PPARGC1A: variants seen among roughly 807,000 people sequenced by gnomAD.
PPARGC1A encodes peroxisome proliferator-activated receptor gamma coactivator 1-alpha.
PPARGC1A carries 25 observed loss-of-function variants against 88.7 expected under a neutral mutation model. The ratio of observed to expected loss-of-function variants is 0.28; its 90% CI spans 0.21 to 0.39. PPARGC1A has a LOEUF of 0.39. Among genes scored for constraint, PPARGC1A ranks in the 10% least tolerant of loss-of-function variants. PPARGC1A has a pLI of 1.00. For synonymous variants in PPARGC1A, 363 were observed against 355.6 expected (o/e 1.02, Z -0.24); for missense variants, 880 against 968.7 (o/e 0.91, Z 1.22).
the PPARGC1A span, among the ~76,000 whole-genome samples, chr4:24,284,758 G>T: frequency 6.6e-6 from 1 of 152,238 alleles, no homozygotes; most frequent in African/African-American, 2.4e-5. Context: ...CCCGGGCACG[G>T]TGGCTCACGC....
the PPARGC1A span, among the ~76,000 whole-genome samples, chr4:24,166,270 G>T: frequency 3.3e-5 from 5 of 152,176 alleles, no homozygotes; most frequent in Non-Finnish European, 7.3e-5. Context: ...GCTGGCAGGG[G>T]TTAGTTCATG....
chr4:24,252,602 C>G, the PPARGC1A span, among the ~76,000 whole-genome samples: 1 of 152,178 alleles, frequency 6.6e-6, no homozygotes, highest in African/African-American at 2.4e-5. Context: ...CAATATAAAG[C>G]ACATCATTTC....
the PPARGC1A span, among the ~76,000 whole-genome samples, chr4:24,267,520 A>G: frequency 6.6e-6 from 1 of 152,274 alleles, no homozygotes; most frequent in South Asian, 2.1e-4. Flanking sequence ...TTTTGTGACT[A>G]TCAATCCGGT....
the PPARGC1A span, among the ~76,000 whole-genome samples, chr4:23,942,927 T>G: frequency 7.7e-4 from 118 of 152,314 alleles, 1 homozygote; most frequent in African/African-American, 2.8e-3. Flanking sequence ...CAAAAAGTCA[T>G]GTAGACACAG....
the PPARGC1A span, among the ~76,000 whole-genome samples, chr4:24,268,189 T>C: frequency 6.6e-6 from 1 of 152,240 alleles, no homozygotes; most frequent in Non-Finnish European, 1.5e-5. Flanking sequence ...TAAAGTCCAG[T>C]AAAACAATAA....
the PPARGC1A span, among the ~76,000 whole-genome samples, chr4:24,073,681 T>C: frequency 6.6e-6 from 1 of 152,188 alleles, no homozygotes; most frequent in South Asian, 2.1e-4. Context: ...CAGCTACTAC[T>C]ACTATCACCA....
At chr4:24,396,698 C>T in the PPARGC1A span, among the ~76,000 whole-genome samples, 2 of 152,206 alleles carry the variant, frequency 1.3e-5, no homozygotes, top group Non-Finnish European at 2.9e-5. Context: ...GGGCAAAGAG[C>T]ACCGCATTGC....
the PPARGC1A span, among the ~76,000 whole-genome samples, chr4:24,013,465 C>T: frequency 3.3e-5 from 5 of 152,064 alleles, no homozygotes; most frequent in Admixed American, 6.6e-5. Flanking sequence ...CATCGTTAAA[C>T]AGTCTATCAA....
chr4:24,318,310 GA>G, the PPARGC1A span, among the ~76,000 whole-genome samples: 27 of 152,172 alleles, frequency 1.8e-4, no homozygotes, highest in African/African-American at 6.0e-4. Context: ...GATGGAATGT[GA>G]AATGACACAA....
the PPARGC1A span, among the ~76,000 whole-genome samples, chr4:24,244,026 A>G: frequency 2.0e-5 from 3 of 152,216 alleles, no homozygotes; most frequent in East Asian, 5.8e-4. Flanking sequence ...ATCTTTCTAT[A>G]TTTTCACATT....
the PPARGC1A span, among the ~76,000 whole-genome samples, chr4:24,022,344 C>T: frequency 4.6e-5 from 7 of 152,100 alleles, no homozygotes; most frequent in African/African-American, 9.7e-5. Context: ...TTTCCCTCCC[C>T]GAGTGCCTCC....
intron 3 of PPARGC1A, among the ~76,000 whole-genome samples, chr4:23,830,732 G>A (rs1724850687): frequency 6.6e-6 from 1 of 152,164 alleles, no homozygotes; most frequent in Non-Finnish European, 1.5e-5. Flanking sequence ...CCTTATGTCT[G>A]ATTTTTAGCA....
the PPARGC1A span, among the ~76,000 whole-genome samples, chr4:24,270,355 G>GTA: frequency 2.8e-5 from 4 of 142,004 alleles, no homozygotes; most frequent in South Asian, 7.6e-4. Flanking sequence ...GTGTGTGTGT[G>GTA]TATGTGTGTA....
the PPARGC1A span, among the ~76,000 whole-genome samples, chr4:24,040,041 T>C: frequency 3.3e-5 from 5 of 152,224 alleles, no homozygotes; most frequent in Admixed American, 3.3e-4. Context: ...CTGAAGACAG[T>C]ATACATATAC....
intron 2 of PPARGC1A, among the ~76,000 whole-genome samples, chr4:23,846,702 C>T (rs1041212433): frequency 3.3e-5 from 5 of 151,734 alleles, no homozygotes; most frequent in Non-Finnish European, 7.4e-5. Flanking sequence ...GGGGATATAG[C>T]GATGAACAAA....
upstream of PPARGC1A, chr4:23,903,977 T>C: frequency 1.1e-6 from 1 of 927,644 alleles, no homozygotes; most frequent in Non-Finnish European, 1.3e-6. Context: ...GCAGACATAA[T>C]GCCTCCTGAT....
At chr4:23,965,840 CA>C in the PPARGC1A span, among the ~76,000 whole-genome samples, 3 of 152,208 alleles carry the variant, frequency 2.0e-5, no homozygotes, top group Non-Finnish European at 4.4e-5. Context: ...TGTCATCTTC[CA>C]TAAATTTGAC....
chr4:24,285,592 A>G, the PPARGC1A span, among the ~76,000 whole-genome samples: 1 of 152,240 alleles, frequency 6.6e-6, no homozygotes, highest in Non-Finnish European at 1.5e-5. Flanking sequence ...CTTGCTCAAG[A>G]TAACACAGCT....
At chr4:23,912,341 C>A in the PPARGC1A span, among the ~76,000 whole-genome samples, 17 of 152,134 alleles carry the variant, frequency 1.1e-4, no homozygotes, top group East Asian at 1.7e-3. Context: ...AGTTTCTTCA[C>A]GTATAAAGTA....
Sources: allele counts gnomAD v4.1 joint callset (sites outside exome capture counted in the v4.1 genomes callset), GRCh38; gene constraint gnomAD v4.1.1; transcripts MANE v1.5; gene names NCBI Gene and HGNC (gene_info 2026-07-23, HGNC 2026-07-21).